CDH18: variants seen among roughly 807,000 people sequenced by gnomAD.
CDH18 encodes cadherin-18.
Under a neutral mutation model 67.9 loss-of-function variants are expected in CDH18, and 31 were observed. That is an observed-to-expected ratio of 0.46 (90% CI 0.34 to 0.62). CDH18 has a LOEUF of 0.62. Among genes scored for constraint, CDH18 ranks in the 20% least tolerant of loss-of-function variants. CDH18 has a pLI of 0.01. For missense variants in CDH18, 890 were observed against 975.5 expected (o/e 0.91, Z 1.17); for synonymous variants, 362 against 347.2 (o/e 1.04, Z -0.48).
intron 1 of CDH18, among the ~76,000 whole-genome samples, chr5:20,508,716 T>A (rs1311240339): frequency 6.6e-6 from 1 of 152,022 alleles, no homozygotes; most frequent in East Asian, 1.9e-4. Context: ...AGTAGTGATC[T>A]TAGGTGCAGC....
chr5:19,764,495 G>T (rs1481789619), intron 3 of CDH18, among the ~76,000 whole-genome samples: 2 of 151,740 alleles, frequency 1.3e-5, no homozygotes, highest in Non-Finnish European at 2.9e-5. Flanking sequence ...CACATATAAA[G>T]TTAGGGAAGA....
intron 8 of CDH18, among the ~76,000 whole-genome samples, chr5:19,553,722 C>G (rs141634872): frequency 9.3e-5 from 14 of 150,180 alleles, no homozygotes; most frequent in African/African-American, 3.5e-4. Context: ...CTCATTGCAG[C>G]CTTTGCCTCC....
At position 20,136,607 on chromosome 5, in the gene CDH18, A is replaced by G. The variant is rs190951961; in HGVS notation, c.-518+118837T>C. 2.1e-3 allele frequency among the ~76,000 whole-genome samples: 322 copies of G among 152,208 alleles called. 1 individual carries two copies. The highest frequency in any genetic ancestry group is 7.3e-3 in the African/African-American group (303 of 41,550). ...ATTTACATTTAAGGTTAATACTGTT[A>G]TGTGTGAATTTGATCCTTTCATTAT... is the stretch of plus-strand genomic sequence containing the variant. On this transcript the variant is annotated intron_variant, in intron 2 of 14. Transcript: ENST00000507958.
In CDH18 at chr5:20,537,595, C is replaced by T. The variant is rs554731223; in HGVS notation, c.-580+37867G>A. Among the ~76,000 whole-genome samples, 16 of 152,090 alleles carry T rather than the reference C, an allele frequency of 1.1e-4. No individual in the cohort carries two copies. In the East Asian group the frequency reaches 1.9e-3, roughly 18 times the overall value. On this transcript the variant is annotated intron_variant, in intron 1 of 14. Transcript: ENST00000507958. Reference sequence around the variant, plus strand: ...GAAGACTCACAGCTGCAACTTTAAGCGCTAAGCTCTTAGGGTTGAAAATAC... The same window carrying T: ...GAAGACTCACAGCTGCAACTTTAAGTGCTAAGCTCTTAGGGTTGAAAATAC...
At chr5:20,132,075 G>A (rs967685525) in intron 2 of CDH18, among the ~76,000 whole-genome samples, 1 of 152,040 alleles carries the variant, frequency 6.6e-6, no homozygotes, top group African/African-American at 2.4e-5. Flanking sequence ...TTTTAGTAGA[G>A]ACGGGGTTTA....
intron 12 of CDH18, among the ~76,000 whole-genome samples, chr5:19,475,182 A>C (rs1180580800): frequency 2.7e-5 from 4 of 149,402 alleles, no homozygotes; most frequent in African/African-American, 9.8e-5. Flanking sequence ...TGAATTTGAG[A>C]TCAATAACAG....
rs935562242 is a variant in CDH18, at chr5:19,703,123, C to CTG, written c.643+18222_643+18223dup. ...TTCCTACTCCGCACTCCATATTTCT[C>CTG]TGTGTGTGTGTGTCTTTAATTCCTC... On this transcript the variant is annotated intron_variant, in intron 5 of 12. Transcript: ENST00000382275. Among the ~76,000 whole-genome samples, 31 of 152,208 alleles carry CTG rather than the reference C, an allele frequency of 2.0e-4. No individual in the cohort carries two copies. In the South Asian group the frequency reaches 3.5e-3, roughly 17 times the overall value.
chr5:20,307,089 T>C (rs994720191), intron 1 of CDH18, among the ~76,000 whole-genome samples: 1 of 152,144 alleles, frequency 6.6e-6, no homozygotes. Context: ...CCTGAAATAT[T>C]ATTGGCTTAG....
intron 1 of CDH18, among the ~76,000 whole-genome samples, chr5:20,292,191 T>A (rs538427741): frequency 9.8e-5 from 15 of 152,318 alleles, no homozygotes; most frequent in African/African-American, 3.1e-4. Context: ...TTTTATCTTA[T>A]TTTTTATGTC....
At chr5:20,162,660 AC>A (rs766047783) in intron 2 of CDH18, among the ~76,000 whole-genome samples, 8 of 151,316 alleles carry the variant, frequency 5.3e-5, no homozygotes, top group Non-Finnish European at 8.8e-5. Flanking sequence ...TGGTTATCAT[AC>A]ACTTGTCAGC....
At chr5:20,469,537 T>G (rs1751902318) in intron 1 of CDH18, among the ~76,000 whole-genome samples, 1 of 152,138 alleles carries the variant, frequency 6.6e-6, no homozygotes, top group Admixed American at 6.5e-5. Context: ...CCTTCACAAG[T>G]TTGCTGTAAC....
At chr5:19,871,812 C>T (rs1444244096) in intron 2 of CDH18, among the ~76,000 whole-genome samples, 1 of 152,062 alleles carries the variant, frequency 6.6e-6, no homozygotes, top group East Asian at 1.9e-4. Context: ...TACTTTCAGC[C>T]ATGTTCCTTT....
intron 3 of CDH18, among the ~76,000 whole-genome samples, chr5:19,830,963 T>C (rs899622792): frequency 6.6e-6 from 1 of 152,082 alleles, no homozygotes; most frequent in Non-Finnish European, 1.5e-5. Context: ...CATGTTCTCA[T>C]TTATAAGTGG....
intron 2 of CDH18, among the ~76,000 whole-genome samples, chr5:20,092,486 A>C (rs1020163224): frequency 6.6e-6 from 1 of 152,226 alleles, no homozygotes; most frequent in African/African-American, 2.4e-5. Context: ...GTCTACTATT[A>C]AAAAAATTCT....
intron 8 of CDH18, among the ~76,000 whole-genome samples, chr5:19,556,233 A>T (rs1242650384): frequency 6.6e-6 from 1 of 152,192 alleles, no homozygotes; most frequent in African/African-American, 2.4e-5. Flanking sequence ...TCCCAAAAAG[A>T]TCACACTAGA....
At chr5:19,826,144 C>T (rs1780382370) in intron 3 of CDH18, among the ~76,000 whole-genome samples, 1 of 151,920 alleles carries the variant, frequency 6.6e-6, no homozygotes, top group South Asian at 2.1e-4. Flanking sequence ...GACTCAAAGA[C>T]TGGTTCTCTG....
intron 2 of CDH18, among the ~76,000 whole-genome samples, chr5:19,861,601 AGAGAGTGGT>A (rs1200273426): frequency 3.3e-5 from 5 of 152,188 alleles, no homozygotes; most frequent in Non-Finnish European, 7.3e-5. Flanking sequence ...GACAGAGTAG[AGAGAGTGGT>A]ACCTTGGACT....
At chr5:20,337,090 A>G (rs1005251818) in intron 1 of CDH18, among the ~76,000 whole-genome samples, 4 of 152,164 alleles carry the variant, frequency 2.6e-5, no homozygotes, top group Admixed American at 1.3e-4. Context: ...TGGAAACCTG[A>G]TTTCAGACCC....
intron 9 of CDH18, among the ~76,000 whole-genome samples, chr5:19,527,599 T>G (rs982861706): frequency 6.6e-6 from 1 of 151,778 alleles, no homozygotes; most frequent in African/African-American, 2.4e-5. Context: ...TTCTGTGAAT[T>G]TTATGCAACA....
Sources: allele counts gnomAD v4.1 joint callset (sites outside exome capture counted in the v4.1 genomes callset), GRCh38; gene constraint gnomAD v4.1.1; transcripts MANE v1.5; gene names NCBI Gene and HGNC (gene_info 2026-07-23, HGNC 2026-07-21).